SEPTIN9: variants seen among roughly 807,000 people sequenced by gnomAD.
The protein encoded by SEPTIN9 is septin 9.
In SEPTIN9, 13 loss-of-function variants were observed where a neutral mutation model predicts 56.6. The observed-to-expected ratio is 0.23, with a 90% CI of 0.15 to 0.37. The LOEUF (loss-of-function observed/expected upper bound fraction) is 0.37, where lower values mean the gene tolerates loss of function less well. Among genes scored for constraint, SEPTIN9 ranks in the 10% least tolerant of loss-of-function variants. The pLI, the probability that SEPTIN9 is intolerant of heterozygous loss-of-function variation, is 1.00. For missense variants in SEPTIN9, 650 were observed against 823.1 expected (o/e 0.79, Z 2.57); for synonymous variants, 332 against 334.1 (o/e 0.99, Z 0.07).
chr17:77,457,506 C>G (rs2038263834), intron 3 of SEPTIN9, among the ~76,000 whole-genome samples: 1 of 152,184 alleles, frequency 6.6e-6, no homozygotes, highest in Non-Finnish European at 1.5e-5. Context: ...TGCGCTGGGC[C>G]TTGGCAGACA....
chr17:77,413,907 C>T (rs540211388), intron 3 of SEPTIN9, among the ~76,000 whole-genome samples: 3 of 150,550 alleles, frequency 2.0e-5, no homozygotes, highest in Non-Finnish European at 4.4e-5. Flanking sequence ...GGAATTCTTA[C>T]CTTTACCATG....
chr17:77,482,119 A>G (rs1316528949), intron 3 of SEPTIN9, 25 bp from the exon 4 acceptor site: 1 of 1,543,920 alleles, frequency 6.5e-7, no homozygotes, highest in Non-Finnish European at 8.7e-7. Flanking sequence ...GTTCCGCTCT[A>G]ACTCCTCTGC....
intron 1 of SEPTIN9, among the ~76,000 whole-genome samples, chr17:77,284,238 C>T (rs2031169339): frequency 6.9e-6 from 1 of 144,108 alleles, no homozygotes; most frequent in Non-Finnish European, 1.5e-5. Context: ...AGGCTGCAGC[C>T]CTGTGACAGC....
Position 77,475,154 on chromosome 17 carries a change from C to A in SEPTIN9, c.722-6990C>A. On this transcript the variant is annotated intron_variant, in intron 3 of 11. Coordinates refer to ENST00000427177, the MANE Select transcript of SEPTIN9 (RefSeq NM_001113491.2). The surrounding 1 kb of genome is among the most constrained non-coding windows in gnomAD (Gnocchi z 4.6). The stretch of plus-strand genomic sequence containing the variant: ...CTACGCTGCTCTGAAGAAAGCCGGG[C>A]TGGGGTGAGCGTGATGGATGAGGTG... 1 of 1,045,514 alleles carries A rather than the reference C, an allele frequency of 9.6e-7. No homozygotes were observed. Among genetic ancestry groups the A allele is most frequent in the Non-Finnish European group, 1.2e-6 (1 of 838,256 alleles). 64.8% of individuals were successfully genotyped at this position (1,045,514 alleles called of 1,614,324 possible). A position where few individuals can be genotyped will look rare whatever the true frequency, so the allele number is the denominator to read the frequency against.
At chr17:77,293,517 A>G (rs2031666770) in intron 1 of SEPTIN9, among the ~76,000 whole-genome samples, 1 of 152,188 alleles carries the variant, frequency 6.6e-6, no homozygotes, top group Non-Finnish European at 1.5e-5. Context: ...TACACAGATG[A>G]TGGGAGAGGT....
intron 3 of SEPTIN9, among the ~76,000 whole-genome samples, chr17:77,417,899 G>A (rs1368257153): frequency 6.6e-6 from 1 of 152,222 alleles, no homozygotes; most frequent in Non-Finnish European, 1.5e-5. Context: ...CTGCTGCACA[G>A]GCGTTGGTCA....
rs182098762 is a variant in SEPTIN9 at position 77,314,093 on chromosome 17, C to T, written c.76+6896C>T. Among the ~76,000 whole-genome samples, 119 of 152,022 alleles carry T rather than the reference C, an allele frequency of 7.8e-4. 1 individual carries two copies. The highest frequency in any genetic ancestry group is 2.6e-3 in the African/African-American group (106 of 41,456). ...GTACAGCCCTGTAGTTCCAGCTACC[C>T]GGGAAGCTGAGGCTGCAGTGAGTTG... On this transcript the variant is annotated intron_variant, in intron 2 of 11. Coordinates refer to ENST00000427177, the MANE Select transcript of SEPTIN9 (RefSeq NM_001113491.2).
In SEPTIN9 at chr17:77,453,486, T is replaced by G. The variant is rs1172000141; in HGVS notation, c.722-28658T>G. On this transcript the variant is annotated intron_variant, in intron 3 of 11. Transcript: ENST00000427177. This position sits in a 1 kb window ranked among gnomAD's most constrained non-coding sequence, Gnocchi z 4.4. ...CGGGCATGGTGGCGCGTGCCTGTAATGGCAGCTACTCGGGAGGCTGAGACA... is the reference window on the plus strand; with the variant it reads ...CGGGCATGGTGGCGCGTGCCTGTAAGGGCAGCTACTCGGGAGGCTGAGACA... Among the ~76,000 whole-genome samples, 1 of 151,554 alleles carries G rather than the reference T, an allele frequency of 6.6e-6. No individual in the cohort carries two copies. The highest frequency in any genetic ancestry group is 1.5e-5 in the Non-Finnish European group (1 of 67,996).
intron 1 of SEPTIN9, among the ~76,000 whole-genome samples, chr17:77,298,724 C>A (rs1265421805): frequency 6.6e-6 from 1 of 152,236 alleles, no homozygotes; most frequent in Non-Finnish European, 1.5e-5. Context: ...CCCTGCCTTT[C>A]TGCATCTCAT....
At chr17:77,495,833 G>A (rs977906505) in intron 10 of SEPTIN9, among the ~76,000 whole-genome samples, 5 of 152,204 alleles carry the variant, frequency 3.3e-5, no homozygotes, top group South Asian at 4.1e-4. Flanking sequence ...TGGAGGCCCC[G>A]GCCCTGCCTG....
chr17:77,490,912 G>A, intron 8 of SEPTIN9, 53 bp downstream of exon 8: 1 of 1,345,038 alleles, frequency 7.4e-7, no homozygotes, highest in Admixed American at 2.0e-5. Context: ...TGGAGACGCT[G>A]CAGGCCTGGC....
intron 3 of SEPTIN9, among the ~76,000 whole-genome samples, chr17:77,410,937 C>T (rs536841483): frequency 3.3e-5 from 5 of 152,094 alleles, no homozygotes; most frequent in South Asian, 2.1e-4. Flanking sequence ...AAGCAATGCA[C>T]GACGGGGCGT....
intron 1 of SEPTIN9, among the ~76,000 whole-genome samples, chr17:77,305,952 T>G (rs2143588695): frequency 6.2e-5 from 6 of 96,824 alleles, no homozygotes; most frequent in Admixed American, 1.2e-4. Context: ...GATGGGTGGA[T>G]GGGTTGATGG....
rs2032574512 is a variant in SEPTIN9 at position 77,313,223 on chromosome 17, CT to C, written c.76+6027del. ...CTCTGCAGGGGCAGTCGGGGGCCCC[CT>C]CTAGGAATGGAGCGCCAGCTCCAGC... On this transcript the variant is annotated intron_variant, in intron 2 of 11. Coordinates refer to ENST00000427177, the MANE Select transcript of SEPTIN9 (RefSeq NM_001113491.2). The surrounding 1 kb of genome is among the most constrained non-coding windows in gnomAD (Gnocchi z 4.5). Among the ~76,000 whole-genome samples the C allele has an allele frequency of 6.6e-6, 1 of 152,252 alleles. No homozygotes were observed. The highest frequency in any genetic ancestry group is 3.2e-3 in the Middle Eastern group (1 of 316).
chr17:77,396,503 A>G (rs2035718330), intron 2 of SEPTIN9, among the ~76,000 whole-genome samples: 1 of 152,144 alleles, frequency 6.6e-6, no homozygotes, highest in Non-Finnish European at 1.5e-5. Context: ...GTGTAAAGTG[A>G]CAAGGACCTG....
intron 3 of SEPTIN9, among the ~76,000 whole-genome samples, chr17:77,468,716 C>A (rs531193583): frequency 5.9e-5 from 9 of 152,180 alleles, no homozygotes; most frequent in Non-Finnish European, 1.2e-4. Flanking sequence ...CAATGGAAAC[C>A]AGTCACGGCT....
At chr17:77,364,077 G>T (rs1306911500) in intron 2 of SEPTIN9, among the ~76,000 whole-genome samples, 2 of 152,190 alleles carry the variant, frequency 1.3e-5, no homozygotes, top group African/African-American at 2.4e-5. Flanking sequence ...GGGACAAATG[G>T]TTCATTTAGG....
At position 77,402,101 on chromosome 17, in the gene SEPTIN9, A is replaced by G; in HGVS notation, c.119A>G (p.Asn40Ser). 6.2e-7 allele frequency: 1 copy of G among 1,612,666 alleles called. No homozygotes were observed. The highest frequency in any genetic ancestry group is 8.5e-7 in the Non-Finnish European group (1 of 1,179,442). Residue 40 changes from asparagine to serine, a missense_variant, in exon 3 of 12, where the codon AAC (asparagine) becomes AGC (serine). Transcript: ENST00000427177. The surrounding 1 kb of genome is among the most constrained non-coding windows in gnomAD (Gnocchi z 6.6). Reference protein sequence around the residue: ...SFEVEEVETPNSTPPRRVQTP... With the variant: ...SFEVEEVETPSSTPPRRVQTP... Reference sequence around the variant, plus strand: ...GAGGTCGAGGAGGTCGAGACACCCAACTCCACCCCACCCCGGAGGGTCCAG... The same window carrying G: ...GAGGTCGAGGAGGTCGAGACACCCAGCTCCACCCCACCCCGGAGGGTCCAG...
chr17:77,302,677 CTAAA>C (rs975290472), intron 1 of SEPTIN9, among the ~76,000 whole-genome samples: 3 of 152,094 alleles, frequency 2.0e-5, no homozygotes, highest in African/African-American at 7.2e-5. Flanking sequence ...GACTCCATCT[CTAAA>C]TAAATAAATA....
Sources: allele counts gnomAD v4.1 joint callset (sites outside exome capture counted in the v4.1 genomes callset), GRCh38; gene constraint gnomAD v4.1.1; non-coding constraint Gnocchi (gnomAD v3.1); transcripts MANE v1.5; gene names NCBI Gene and HGNC (gene_info 2026-07-23, HGNC 2026-07-21).